The following ACTR10 variants were observed in gnomAD, a reference collection of about 807,000 sequenced individuals.
The protein encoded by ACTR10 is actin related protein 10, also known as actin-related protein 10.
Under a neutral mutation model 56.2 loss-of-function variants are expected in ACTR10, and 43 were observed. That is an observed-to-expected ratio of 0.77 (90% CI 0.60 to 0.99). ACTR10 has a LOEUF of 0.99. Among genes scored for constraint, ACTR10 ranks in the 50% least tolerant of loss-of-function variants. The pLI is 0.00. For synonymous variants in ACTR10, 170 were observed against 176.3 expected (o/e 0.96, Z 0.28); for missense variants, 466 against 507.8 (o/e 0.92, Z 0.79).
At chr14:58,204,478 G>C (rs1888807081) in intron 2 of ACTR10, among the ~76,000 whole-genome samples, 2 of 152,172 alleles carry the variant, frequency 1.3e-5, no homozygotes, top group Non-Finnish European at 1.5e-5. Flanking sequence ...TTGAGCCCAG[G>C]AGGTTGAGGC....
At chr14:58,208,105 C>CAAAAA in intron 3 of ACTR10, 87 bp downstream of exon 3, 1 of 918,482 alleles carries the variant, frequency 1.1e-6, no homozygotes, top group Non-Finnish European at 1.4e-6. Flanking sequence ...CAGCTGAGGC[C>CAAAAA]AAAAAAAAAA....
At chr14:58,217,675 A>G (rs1342639628) in intron 7 of ACTR10, among the ~76,000 whole-genome samples, 4 of 152,010 alleles carry the variant, frequency 2.6e-5, no homozygotes, top group Non-Finnish European at 1.5e-5. Flanking sequence ...CAAAAAAAAA[A>G]AAAAAGAAAA....
chr14:58,210,299 T>C (rs1888961538), intron 4 of ACTR10, among the ~76,000 whole-genome samples: 1 of 152,182 alleles, frequency 6.6e-6, no homozygotes, highest in African/African-American at 2.4e-5. Flanking sequence ...GCCAACTATT[T>C]GTATATTTTG....
At chr14:58,203,302 CAAAAAAAAAA>C (rs11384472) in intron 2 of ACTR10, among the ~76,000 whole-genome samples, 1 of 105,468 alleles carries the variant, frequency 9.5e-6, no homozygotes, top group Non-Finnish European at 1.8e-5. Context: ...GACTTCGTCT[CAAAAAAAAAA>C]AAAAAAAAAG....
At chr14:58,233,796 G>C (rs1044194660) in intron 12 of ACTR10, among the ~76,000 whole-genome samples, 1 of 152,164 alleles carries the variant, frequency 6.6e-6, no homozygotes, top group East Asian at 1.9e-4. Flanking sequence ...TGCATTTAGA[G>C]AAAGAGTAGT....
chr14:58,207,512 AC>A (rs1888896546), intron 2 of ACTR10, among the ~76,000 whole-genome samples: 1 of 151,828 alleles, frequency 6.6e-6, no homozygotes, highest in Non-Finnish European at 1.5e-5. Flanking sequence ...TTAAGTAGAG[AC>A]AGCGTTTCAC....
At position 58,209,111 on chromosome 14, in the gene ACTR10, C is replaced by A; in HGVS notation, c.342+4C>A. ...TGTTCTTTTCAAATATTTTGAGGTA[C>A]CTGTCTTTATATCAAATAAGTAAAT... On this transcript the variant is annotated splice_donor_region_variant and intron_variant, in intron 4 of 12. Transcript: ENST00000254286. 1.9e-6 allele frequency: 3 copies of A among 1,549,500 alleles called. No homozygotes were observed. The highest frequency in any genetic ancestry group is 2.3e-5 in the East Asian group (1 of 42,974).
At chr14:58,210,346 A>G (rs1229869448) in intron 4 of ACTR10, among the ~76,000 whole-genome samples, 1 of 152,102 alleles carries the variant, frequency 6.6e-6, no homozygotes, top group Admixed American at 6.6e-5. Flanking sequence ...TTACAGTTCA[A>G]TTAGCCGGAC....
chr14:58,222,940 A>C (rs1889310716), intron 8 of ACTR10, among the ~76,000 whole-genome samples: 1 of 152,118 alleles, frequency 6.6e-6, no homozygotes, highest in South Asian at 2.1e-4. Context: ...GAAATATGCT[A>C]TTCAGTTAGA....
At chr14:58,222,629 G>C (rs777213222) in intron 8 of ACTR10, among the ~76,000 whole-genome samples, 5 of 152,046 alleles carry the variant, frequency 3.3e-5, no homozygotes, top group African/African-American at 4.8e-5. Context: ...GCTGGGCATG[G>C]TGGCGTGTGC....
chr14:58,209,199 C>CTT, intron 4 of ACTR10, 92 bp downstream of exon 4: 4 of 890,524 alleles, frequency 4.5e-6, no homozygotes, highest in East Asian at 2.8e-5. Context: ...TCTTTCTTCT[C>CTT]TTTTTTTTTG....
rs1441465005 is a variant in ACTR10, at chr14:58,226,819, C to T, written c.788+2963C>T. The stretch of plus-strand genomic sequence containing the variant: ...TTCTCCATGTTAGTCAAGCTGGTCT[C>T]GAACTCCCGACCTCAGGTGATCTGC... On this transcript the variant is annotated intron_variant, in intron 10 of 12. Transcript: ENST00000254286. Among the ~76,000 whole-genome samples the T allele has an allele frequency of 9.9e-5, 15 of 152,140 alleles. 1 individual carries two copies. The South Asian group carries it at 1.2e-3, about 13-fold the overall frequency.
intron 2 of ACTR10, among the ~76,000 whole-genome samples, chr14:58,203,286 G>C (rs1267459328): frequency 8.7e-6 from 1 of 115,252 alleles, no homozygotes; most frequent in African/African-American, 3.2e-5. Context: ...TGGGGGGCAA[G>C]AGCAAGACTT....
At chr14:58,218,812 G>A (rs975879909) in intron 7 of ACTR10, among the ~76,000 whole-genome samples, 1 of 151,810 alleles carries the variant, frequency 6.6e-6, no homozygotes, top group Non-Finnish European at 1.5e-5. Flanking sequence ...ATTTTACAAT[G>A]GGTTAAAAAT....
At chr14:58,229,227 G>A (rs1438936365) in intron 10 of ACTR10, among the ~76,000 whole-genome samples, 1 of 152,054 alleles carries the variant, frequency 6.6e-6, no homozygotes, top group Non-Finnish European at 1.5e-5. Flanking sequence ...TAGAAACAGA[G>A]TAAAACAGTG....
chr14:58,208,944 C>A, intron 3 of ACTR10, 55 bp from the exon 4 acceptor site: 1 of 1,201,824 alleles, frequency 8.3e-7, no homozygotes, highest in Non-Finnish European at 1.2e-6. Flanking sequence ...AATTGTATGA[C>A]TTAACAAAAT....
intron 12 of ACTR10, 109 bp downstream of exon 12, chr14:58,232,376 TTA>T (rs1234628719): frequency 4.4e-6 from 3 of 678,956 alleles, no homozygotes; most frequent in Non-Finnish European, 6.9e-6. Context: ...ATTGCCCACT[TTA>T]TAAATAGAAC....
chr14:58,210,551 T>C (rs568632006), intron 4 of ACTR10, among the ~76,000 whole-genome samples: 17 of 152,306 alleles, frequency 1.1e-4, no homozygotes, highest in African/African-American at 3.8e-4. Flanking sequence ...ATAGTTCATA[T>C]TACAAACTTT....
intron 7 of ACTR10, among the ~76,000 whole-genome samples, chr14:58,216,429 A>T (rs1296107948): frequency 6.6e-6 from 1 of 152,086 alleles, no homozygotes; most frequent in Non-Finnish European, 1.5e-5. Context: ...GTGCCCAGCC[A>T]ATTTTTCACA....
Sources: allele counts gnomAD v4.1 joint callset (sites outside exome capture counted in the v4.1 genomes callset), GRCh38; gene constraint gnomAD v4.1.1; transcripts MANE v1.5; gene names NCBI Gene and HGNC (gene_info 2026-07-23, HGNC 2026-07-21).